Variants in SGCZ observed in about 807,000 individuals in gnomAD.
The protein encoded by SGCZ is sarcoglycan zeta, also known as zeta-sarcoglycan.
SGCZ carries 40 observed loss-of-function variants against 41.3 expected under a neutral mutation model. That is an observed-to-expected ratio of 0.97 (90% CI 0.75 to 1.26). The LOEUF (loss-of-function observed/expected upper bound fraction) is 1.26, where lower values mean the gene tolerates loss of function less well. SGCZ is among the 50% of genes most tolerant of loss of function. The pLI is 0.00. For missense variants in SGCZ, 552 were observed against 369.8 expected, an observed-to-expected ratio of 1.49 and a Z score of -4.04; for synonymous variants, 206 against 137.5, an observed-to-expected ratio of 1.50 and a Z score of -3.49.
chr8:14,418,085 C>T, intron 2 of SGCZ, among the ~76,000 whole-genome samples: 1 of 151,938 alleles, frequency 6.6e-6, no homozygotes, highest in South Asian at 2.1e-4. Flanking sequence ...GTTGTGAATT[C>T]AAGGTGAATG....
At chr8:14,296,512 A>G (rs981150926) in intron 3 of SGCZ, among the ~76,000 whole-genome samples, 1 of 152,236 alleles carries the variant, frequency 6.6e-6, no homozygotes, top group Non-Finnish European at 1.5e-5. Context: ...TTCTTTAAAC[A>G]AAAGTAATAG....
chr8:14,684,913 C>T (rs1808563214), intron 1 of SGCZ, among the ~76,000 whole-genome samples: 1 of 152,024 alleles, frequency 6.6e-6, no homozygotes, highest in Non-Finnish European at 1.5e-5. Context: ...AATTCCTGGT[C>T]CTCTGTTTAA....
At chr8:15,184,736 AC>A (rs952794381) in intron 1 of SGCZ, among the ~76,000 whole-genome samples, 2 of 152,070 alleles carry the variant, frequency 1.3e-5, no homozygotes, top group African/African-American at 4.8e-5. Flanking sequence ...TTTAAATATA[AC>A]CTATAATTAT....
chr8:15,183,314 G>T (rs1010471887), intron 1 of SGCZ, among the ~76,000 whole-genome samples: 9 of 152,260 alleles, frequency 5.9e-5, no homozygotes, highest in South Asian at 2.1e-4. Context: ...CAGTAGCTTT[G>T]TTTACACCAG....
chr8:14,793,356 G>A (rs771809897), intron 1 of SGCZ, among the ~76,000 whole-genome samples: 4 of 152,246 alleles, frequency 2.6e-5, no homozygotes, highest in South Asian at 2.1e-4. Flanking sequence ...TTATGAAAAT[G>A]CAACCCTTGA....
intron 2 of SGCZ, among the ~76,000 whole-genome samples, chr8:14,327,250 A>C (rs1308062446): frequency 1.3e-5 from 2 of 152,218 alleles, no homozygotes; most frequent in Non-Finnish European, 2.9e-5. Flanking sequence ...TAAGACTTAC[A>C]GAACACCCCA....
intron 2 of SGCZ, among the ~76,000 whole-genome samples, chr8:14,542,175 C>T (rs570692555): frequency 6.6e-6 from 1 of 152,100 alleles, no homozygotes; most frequent in East Asian, 1.9e-4. Flanking sequence ...GTTATTATTG[C>T]TTTTGATGTT....
chr8:15,225,118 A>G (rs1203402038), intron 1 of SGCZ, among the ~76,000 whole-genome samples: 2 of 152,212 alleles, frequency 1.3e-5, no homozygotes, highest in African/African-American at 2.4e-5. Context: ...TTAATCCCCA[A>G]CAAGTGAAAA....
At chr8:14,137,975 A>G (rs926163722) in intron 5 of SGCZ, among the ~76,000 whole-genome samples, 1 of 152,224 alleles carries the variant, frequency 6.6e-6, no homozygotes, top group African/African-American at 2.4e-5. Context: ...GACTAACAGC[A>G]GACCTCTCAG....
At chr8:15,210,799 C>T (rs1283451120) in intron 1 of SGCZ, among the ~76,000 whole-genome samples, 4 of 152,138 alleles carry the variant, frequency 2.6e-5, no homozygotes, top group Non-Finnish European at 5.9e-5. Flanking sequence ...GCCACCTACT[C>T]TCTGAAAGCA....
intron 1 of SGCZ, among the ~76,000 whole-genome samples, chr8:14,598,264 T>C (rs553151800): frequency 4.9e-5 from 7 of 143,522 alleles, no homozygotes; most frequent in Non-Finnish European, 1.1e-4. Context: ...TCTTTGAGTA[T>C]CTCAATCAAT....
intron 4 of SGCZ, among the ~76,000 whole-genome samples, chr8:14,225,399 A>G (rs1236345761): frequency 6.6e-6 from 1 of 152,126 alleles, no homozygotes; most frequent in African/African-American, 2.4e-5. Context: ...TTAGTGTTGA[A>G]AATACACTTA....
chr8:14,712,075 C>T lies in SGCZ; in HGVS notation c.40-157149G>A, dbSNP rs867232543. Among the ~76,000 whole-genome samples, 6 of 152,278 alleles carry T rather than the reference C, an allele frequency of 3.9e-5. No homozygotes were observed. The Middle Eastern group carries it at 0.017, about 432-fold the overall frequency. ...CCTGAGGTCAGGAGTTCAAGACCAGCCTGGCCAACATGGCGAATCCTCGTC... is the reference window on the plus strand; with the variant it reads ...CCTGAGGTCAGGAGTTCAAGACCAGTCTGGCCAACATGGCGAATCCTCGTC... On this transcript the variant is annotated intron_variant, in intron 1 of 7. Transcript: ENST00000382080.
chr8:14,589,101 A>T (rs1805156926), intron 1 of SGCZ, among the ~76,000 whole-genome samples: 1 of 152,144 alleles, frequency 6.6e-6, no homozygotes, highest in African/African-American at 2.4e-5. Context: ...TTTATTAAAA[A>T]TGCAGCACAC....
intron 1 of SGCZ, among the ~76,000 whole-genome samples, chr8:14,865,233 G>A (rs1195608158): frequency 6.6e-6 from 1 of 151,916 alleles, no homozygotes; most frequent in Non-Finnish European, 1.5e-5. Flanking sequence ...TCAACGTCCT[G>A]CGTCCAGGTC....
chr8:15,223,050 G>GATGAGAGA (rs1801656725), intron 1 of SGCZ, among the ~76,000 whole-genome samples: 1 of 152,114 alleles, frequency 6.6e-6, no homozygotes, highest in South Asian at 2.1e-4. Context: ...ATGGTAAGGA[G>GATGAGAGA]ATGAGAGAAT....
intron 3 of SGCZ, among the ~76,000 whole-genome samples, chr8:14,248,207 C>T (rs1799172096): frequency 6.6e-6 from 1 of 152,120 alleles, no homozygotes. Context: ...CACTTCTCTT[C>T]TAATAGAATG....
intron 1 of SGCZ, among the ~76,000 whole-genome samples, chr8:14,939,970 A>G (rs1800215707): frequency 6.6e-6 from 1 of 152,114 alleles, no homozygotes; most frequent in Non-Finnish European, 1.5e-5. Flanking sequence ...CATCTATTTC[A>G]ATTCTTAGGG....
In SGCZ at chr8:15,218,042, T is replaced by C. The variant is rs376215713; in HGVS notation, c.39+19543A>G. On this transcript the variant is annotated intron_variant, in intron 1 of 7. Coordinates refer to ENST00000382080, the MANE Select transcript of SGCZ (RefSeq NM_139167.4). ...CGGAGATTCCTTCGGTAAACATACATGCAATAAATTCTATGTAAAATATAG... is the reference window on the plus strand; with the variant it reads ...CGGAGATTCCTTCGGTAAACATACACGCAATAAATTCTATGTAAAATATAG... Among the ~76,000 whole-genome samples the C allele has an allele frequency of 1.8e-3, 276 of 152,294 alleles. 1 individual carries two copies. The highest frequency in any genetic ancestry group is 6.3e-3 in the African/African-American group (263 of 41,560).
Sources: gnomAD v4.1 joint callset for allele counts (sites outside exome capture counted in the v4.1 genomes callset) on GRCh38, gnomAD v4.1.1 for gene constraint, MANE v1.5 for transcripts, NCBI Gene and HGNC (gene_info 2026-07-23, HGNC 2026-07-21) for gene names.